CDH7: variants seen among roughly 807,000 people sequenced by gnomAD.
CDH7 encodes the protein cadherin 7, also known as cadherin-7.
CDH7 carries 25 observed loss-of-function variants against 71.8 expected under a neutral mutation model. The observed-to-expected ratio is 0.35, with a 90% CI of 0.25 to 0.49. The LOEUF is 0.49. Ranked by LOEUF, CDH7 falls within the 20% of genes least tolerant of loss-of-function variation. The pLI, the probability that CDH7 is intolerant of heterozygous loss-of-function variation, is 0.99. For missense variants in CDH7, 862 were observed against 974.6 expected (o/e 0.88, Z 1.54); for synonymous variants, 381 against 363.8 (o/e 1.05, Z -0.54).
At chr18:65,763,594 G>GGT (rs71167145) in intron 2 of CDH7, among the ~76,000 whole-genome samples, 6,585 of 98,958 alleles carry the variant, frequency 0.067, 205 homozygotes, top group Non-Finnish European at 0.086. Flanking sequence ...TTGATAGGGG[G>GGT]GTGTGTGTGT....
At chr18:65,830,458 A>G (rs1395668658) in intron 6 of CDH7, among the ~76,000 whole-genome samples, 13 of 152,166 alleles carry the variant, frequency 8.5e-5, no homozygotes, top group Non-Finnish European at 1.8e-4. Context: ...CTGTATTACA[A>G]TGAATATCAA....
At chr18:65,832,371 G>T (rs1245040961) in intron 6 of CDH7, among the ~76,000 whole-genome samples, 1 of 151,920 alleles carries the variant, frequency 6.6e-6, no homozygotes, top group Admixed American at 6.6e-5. Flanking sequence ...TTTGAAAAAA[G>T]AATAAATAGA....
intron 2 of CDH7, among the ~76,000 whole-genome samples, chr18:65,789,356 T>C (rs1201570137): frequency 6.6e-6 from 1 of 152,152 alleles, no homozygotes; most frequent in Admixed American, 6.5e-5. Flanking sequence ...GAAAATACAA[T>C]CTGTTTAGGC....
intron 4 of CDH7, among the ~76,000 whole-genome samples, chr18:65,817,814 G>A (rs2068467): frequency 0.61 from 92,478 of 152,048 alleles, 29,633 homozygotes; most frequent in East Asian, 0.96. Flanking sequence ...TTTATAATTT[G>A]CATTGCAGTA....
chr18:65,815,123 A>G (rs144136320), intron 4 of CDH7, among the ~76,000 whole-genome samples: 1,631 of 152,244 alleles, frequency 0.011, 26 homozygotes, highest in African/African-American at 0.037. Context: ...TGGGGGAACA[A>G]TTTTTACTGA....
At chr18:65,776,822 T>G (rs1909965200) in intron 2 of CDH7, among the ~76,000 whole-genome samples, 1 of 152,206 alleles carries the variant, frequency 6.6e-6, no homozygotes, top group Non-Finnish European at 1.5e-5. Flanking sequence ...ATCAGCAGCT[T>G]AAGTATTCAA....
At chr18:65,806,770 G>A (rs1334422152) in intron 2 of CDH7, among the ~76,000 whole-genome samples, 1 of 152,120 alleles carries the variant, frequency 6.6e-6, no homozygotes, top group Non-Finnish European at 1.5e-5. Context: ...TCTTTGCTGA[G>A]CACTCTTTTT....
chr18:65,862,538 A>G, intron 10 of CDH7, 128 bp from the exon 11 acceptor site: 2 of 892,144 alleles, frequency 2.2e-6, no homozygotes, highest in East Asian at 5.1e-5. Flanking sequence ...AAAATTGTTG[A>G]AATAAATCTG....
chr18:65,783,399 G>A (rs1009832473), intron 2 of CDH7, among the ~76,000 whole-genome samples: 1 of 152,080 alleles, frequency 6.6e-6, no homozygotes, highest in African/African-American at 2.4e-5. Context: ...TGAAAACAAA[G>A]GATTTTTAAA....
chr18:65,824,605 T>G, intron 5 of CDH7, 39 bp from the exon 6 acceptor site: 1 of 1,350,662 alleles, frequency 7.4e-7, no homozygotes, highest in Admixed American at 2.4e-5. Context: ...ATTGGTTAGT[T>G]TGGTGTAACG....
intron 1 of CDH7, among the ~76,000 whole-genome samples, chr18:65,752,322 A>C (rs544887875): frequency 1.3e-5 from 2 of 152,380 alleles, no homozygotes; most frequent in South Asian, 4.1e-4. Context: ...CCTCACACAA[A>C]AAATGTGTAT....
At chr18:65,823,253 C>A (rs921434985) in intron 5 of CDH7, among the ~76,000 whole-genome samples, 54 of 151,532 alleles carry the variant, frequency 3.6e-4, no homozygotes, top group African/African-American at 1.3e-3. Context: ...AAAAGTGACC[C>A]CAGGTTTAGC....
chr18:65,752,233 A>G (rs1441502219), intron 1 of CDH7, among the ~76,000 whole-genome samples: 1 of 152,278 alleles, frequency 6.6e-6, no homozygotes, highest in Non-Finnish European at 1.5e-5. Flanking sequence ...TATACAAAAA[A>G]TAAGAGAAAA....
At position 65,842,792 on chromosome 18, in the gene CDH7, A is replaced by G. The variant is rs146902203; in HGVS notation, c.982-1020A>G. 4.8e-4 allele frequency among the ~76,000 whole-genome samples: 73 copies of G among 151,444 alleles called. 2 individuals carry two copies. The East Asian group carries it at 0.014, about 28-fold the overall frequency. On this transcript the variant is annotated intron_variant, in intron 6 of 11. Transcript: ENST00000397968. Reference sequence around the variant, plus strand: ...ATTAGCTCACATTTCATAATGCCTTATTCTTATATACTGACAACTAAGTCA... The same window carrying G: ...ATTAGCTCACATTTCATAATGCCTTGTTCTTATATACTGACAACTAAGTCA...
At chr18:65,816,606 C>T (rs1215864542) in intron 4 of CDH7, among the ~76,000 whole-genome samples, 1 of 152,124 alleles carries the variant, frequency 6.6e-6, no homozygotes, top group East Asian at 1.9e-4. Context: ...TAAATTTCTT[C>T]TCAATTTCTA....
chr18:65,851,697 TTTTAAAAAA>T (rs1913156320), intron 7 of CDH7, among the ~76,000 whole-genome samples: 2 of 152,336 alleles, frequency 1.3e-5, no homozygotes, highest in East Asian at 3.9e-4. Flanking sequence ...TGAAAACTCA[TTTTAAAAAA>T]TTCAGTGTTA....
At chr18:65,864,839 C>T (rs903929840) in intron 11 of CDH7, among the ~76,000 whole-genome samples, 7 of 145,618 alleles carry the variant, frequency 4.8e-5, no homozygotes, top group Admixed American at 1.4e-4. Flanking sequence ...GGCAGTGAGC[C>T]GAGATCATGC....
chr18:65,753,556 T>G (rs1158967310), intron 1 of CDH7, among the ~76,000 whole-genome samples: 2 of 152,214 alleles, frequency 1.3e-5, no homozygotes, highest in Non-Finnish European at 2.9e-5. Context: ...ATGCATTAGT[T>G]GATTGCAAAG....
At chr18:65,819,178 G>T (rs1323833072) in intron 4 of CDH7, among the ~76,000 whole-genome samples, 1 of 152,092 alleles carries the variant, frequency 6.6e-6, no homozygotes, top group Non-Finnish European at 1.5e-5. Flanking sequence ...TGTCTCCGTT[G>T]CAATGACCTG....
Sources: allele counts gnomAD v4.1 joint callset (sites outside exome capture counted in the v4.1 genomes callset), GRCh38; gene constraint gnomAD v4.1.1; transcripts MANE v1.5; gene names NCBI Gene and HGNC (gene_info 2026-07-23, HGNC 2026-07-21).